Variants in ZNF800 observed in about 807,000 individuals in gnomAD.
ZNF800 encodes zinc finger protein 800.
A neutral mutation model predicts 59.5 loss-of-function variants in ZNF800; 13 were observed. The observed-to-expected ratio is 0.22, with a 90% CI of 0.14 to 0.35. The LOEUF (loss-of-function observed/expected upper bound fraction) is 0.35, where lower values mean the gene tolerates loss of function less well. Ranked by LOEUF, ZNF800 falls within the 10% of genes least tolerant of loss-of-function variation. ZNF800 has a pLI of 1.00. For missense variants in ZNF800, 621 were observed against 783.7 expected (o/e 0.79, Z 2.48); for synonymous variants, 266 against 265.7 (o/e 1.00, Z -0.01).
chr7:127,349,596 G>A (rs1800134183), intron 1 of ZNF800, among the ~76,000 whole-genome samples: 1 of 152,164 alleles, frequency 6.6e-6, no homozygotes, highest in South Asian at 2.1e-4. Context: ...CATCCTGTAA[G>A]TTTCCTTCAC....
At chr7:127,381,563 A>G (rs1232660607) in intron 3 of ZNF800, among the ~76,000 whole-genome samples, 3 of 152,132 alleles carry the variant, frequency 2.0e-5, no homozygotes, top group Non-Finnish European at 2.9e-5. Flanking sequence ...ACACTTATTG[A>G]GCACACATTA....
chr7:127,367,652 T>C (rs1325182060), downstream of ZNF800, among the ~76,000 whole-genome samples: 1 of 152,116 alleles, frequency 6.6e-6, no homozygotes, highest in East Asian at 1.9e-4. Context: ...TAAAAACAAG[T>C]GAAATCCATC....
At position 127,354,260 on chromosome 7, in the gene ZNF800, A is replaced by C. The variant is rs558497866; in HGVS notation, n.225-6217T>G. 7.2e-5 allele frequency among the ~76,000 whole-genome samples: 11 copies of C among 152,220 alleles called. 1 individual carries two copies. Among genetic ancestry groups the C allele is most frequent in the African/African-American group, 2.6e-4 (11 of 41,552 alleles). On this transcript the variant is annotated intron_variant and non_coding_transcript_variant, in intron 1 of 1. Transcript: ENST00000485577. The stretch of plus-strand genomic sequence containing the variant: ...TTAACTTTCAACATTATTTATCATA[A>C]ATCAGTGACCCTCTCTTCCTGAAAG...
intron 1 of ZNF800, chr7:127,349,843 G>A (rs1362636320): frequency 6.6e-6 from 1 of 152,154 alleles, no homozygotes; most frequent in Admixed American, 6.5e-5. Context: ...TAAGACAGAA[G>A]AGCATTTATT....
chr7:127,380,399 G>A (rs1280091261), intron 3 of ZNF800, among the ~76,000 whole-genome samples: 1 of 152,148 alleles, frequency 6.6e-6, no homozygotes, highest in Admixed American at 6.5e-5. Flanking sequence ...GAAGTTAACT[G>A]AGGAGTCAAA....
At position 127,370,126 on chromosome 7, in the gene ZNF800, AAATAT is replaced by A. The variant is rs1164547988; in HGVS notation, c.*1683_*1687del. On this transcript the variant is annotated 3_prime_UTR_variant, in exon 6 of 6. Transcript: ENST00000265827. ...ATACCACCTACACATTTAGTTCCCT[AAATAT>A]ATTATACTATTAGTTATTAAAGTTA... is the stretch of plus-strand genomic sequence containing the variant. 3.9e-5 allele frequency: 6 copies of A among 152,274 alleles called. No homozygotes were observed. Among genetic ancestry groups the A allele is most frequent in the African/African-American group, 1.2e-4 (5 of 41,556 alleles). The allele number at this position is 152,274 out of a possible 1,614,324, so 9.4% of individuals were successfully genotyped here.
At chr7:127,345,651 A>G (rs531521470), downstream of ZNF800, among the ~76,000 whole-genome samples, 4 of 152,292 alleles carry the variant, frequency 2.6e-5, no homozygotes, top group Admixed American at 2.6e-4. Flanking sequence ...CGGGGGTGGA[A>G]GGATAAGTAA....
At chr7:127,350,509 C>T (rs1800150594) in intron 1 of ZNF800, 1 of 152,172 alleles carries the variant, frequency 6.6e-6, no homozygotes, top group African/African-American at 2.4e-5. Context: ...AAATCCTTGA[C>T]TCACAAAGGT....
chr7:127,388,813 C>T (rs968321884), intron 2 of ZNF800, among the ~76,000 whole-genome samples: 1 of 152,196 alleles, frequency 6.6e-6, no homozygotes, highest in African/African-American at 2.4e-5. Flanking sequence ...GTATACACAT[C>T]TGTGTAGCTC....
In ZNF800 at chr7:127,371,663, C is replaced by A. The variant is rs1052221381; in HGVS notation, c.*151G>T. 12 of 527,230 alleles carry A rather than the reference C, an allele frequency of 2.3e-5. No individual in the cohort carries two copies. Among genetic ancestry groups the A allele is most frequent in the Non-Finnish European group, 3.4e-5 (10 of 292,216 alleles). 32.7% of individuals were successfully genotyped at this position (527,230 alleles called of 1,614,324 possible). The stretch of plus-strand genomic sequence containing the variant: ...CAAGTGGTTAGATGGTTATTTTAGT[C>A]AGAAAACAGCAGTTATAGTTGAATA... On this transcript the variant is annotated 3_prime_UTR_variant, in exon 6 of 6. Coordinates refer to ENST00000265827, the MANE Select transcript of ZNF800 (RefSeq NM_176814.5).
At chr7:127,366,741 G>A (rs1419399), downstream of ZNF800, among the ~76,000 whole-genome samples, 19,294 of 152,036 alleles carry the variant, frequency 0.13, 1,566 homozygotes, top group Middle Eastern at 0.22. Context: ...TGGGGCCCAG[G>A]GCCATGTTTT....
intron 5 of ZNF800, 86 bp downstream of exon 5, chr7:127,373,256 T>C: frequency 6.6e-7 from 1 of 1,513,594 alleles, no homozygotes; most frequent in East Asian, 2.3e-5. Flanking sequence ...CGTGTTAAAA[T>C]GGAACCAGCT....
At chr7:127,387,517 AATG>A (rs1472924696) in intron 2 of ZNF800, among the ~76,000 whole-genome samples, 3 of 152,174 alleles carry the variant, frequency 2.0e-5, no homozygotes, top group Non-Finnish European at 4.4e-5. Context: ...AAACAAGAGG[AATG>A]ATGTTTTGGG....
chr7:127,391,417 A>AGGAAAAAAAGCT, intron 2 of ZNF800, 80 bp downstream of exon 2: 1 of 1,356,508 alleles, frequency 7.4e-7, no homozygotes, highest in Non-Finnish European at 1.1e-6. Flanking sequence ...CTGGGGCAGG[A>AGGAAAAAAAGCT]GGAAAAAAAG....
intron 3 of ZNF800, among the ~76,000 whole-genome samples, chr7:127,379,309 C>T (rs1800884167): frequency 6.6e-6 from 1 of 152,102 alleles, no homozygotes; most frequent in Non-Finnish European, 1.5e-5. Flanking sequence ...CCTAATTGAC[C>T]TATATATATT....
Position 127,384,747 on chromosome 7 carries a change from T to C in ZNF800, c.157+1313A>G, listed in dbSNP as rs574650540. On this transcript the variant is annotated intron_variant, in intron 3 of 5. Transcript: ENST00000265827. ...GCTAAAACAAACAGACACTATTTTTTCTGTTATGCCAGAAATATAAATACT... is the reference window on the plus strand; with the variant it reads ...GCTAAAACAAACAGACACTATTTTTCCTGTTATGCCAGAAATATAAATACT... 1.3e-3 allele frequency among the ~76,000 whole-genome samples: 204 copies of C among 152,296 alleles called. 1 individual carries two copies. The highest frequency in any genetic ancestry group is 4.5e-3 in the African/African-American group (188 of 41,584).
At position 127,379,870 on chromosome 7, in the gene ZNF800, CAGAGAG is replaced by C. The variant is rs71179575; in HGVS notation, c.158-2547_158-2542del. ...CCCCCCCACCCCCCCCACACACACA[CAGAGAG>C]AGAGAGAGAGAGAGAGGGAGAGAGA... On this transcript the variant is annotated intron_variant, in intron 3 of 5. Transcript: ENST00000265827. Among the ~76,000 whole-genome samples, 207 of 83,828 alleles carry C rather than the reference CAGAGAG, an allele frequency of 2.5e-3. 1 individual carries two copies. Among genetic ancestry groups the C allele is most frequent in the Middle Eastern group, 5.4e-3 (1 of 184 alleles). 55.0% of individuals were successfully genotyped at this position (83,828 alleles called of 152,430 possible).
intron 1 of ZNF800, among the ~76,000 whole-genome samples, chr7:127,348,834 T>C (rs1329171278): frequency 6.6e-6 from 1 of 152,238 alleles, no homozygotes; most frequent in Non-Finnish European, 1.5e-5. Context: ...TCTATATTTA[T>C]CTCAATTCAA....
intron 3 of ZNF800, among the ~76,000 whole-genome samples, chr7:127,379,859 C>CCCCA (rs1554377179): frequency 1.0e-4 from 8 of 79,018 alleles, no homozygotes; most frequent in African/African-American, 1.5e-4. Flanking sequence ...CCCACCCCCC[C>CCCCA]CACACACACA....
Sources: allele counts gnomAD v4.1 joint callset (sites outside exome capture counted in the v4.1 genomes callset), GRCh38; gene constraint gnomAD v4.1.1; transcripts MANE v1.5; gene names NCBI Gene and HGNC (gene_info 2026-07-23, HGNC 2026-07-21).